The following MAP3K12 variants were observed in gnomAD, a reference collection of about 807,000 sequenced individuals.
MAP3K12 encodes the protein MAPK-upstream kinase.
Under a neutral mutation model 87.5 loss-of-function variants are expected in MAP3K12, and 14 were observed. The observed-to-expected ratio is 0.16, with a 90% CI of 0.11 to 0.25. The LOEUF (loss-of-function observed/expected upper bound fraction) is 0.25, where lower values mean the gene tolerates loss of function less well. Ranked by LOEUF, MAP3K12 falls within the 10% of genes least tolerant of loss-of-function variation. The pLI, the probability that MAP3K12 is intolerant of heterozygous loss-of-function variation, is 1.00. For missense variants in MAP3K12, 802 were observed against 1,140.4 expected (o/e 0.70, Z 4.27); for synonymous variants, 469 against 452.5 (o/e 1.04, Z -0.46).
intron 4 of MAP3K12, chr12:53,485,679 C>A (rs559755693): frequency 1.3e-5 from 8 of 593,472 alleles, no homozygotes; most frequent in Non-Finnish European, 2.3e-5. Flanking sequence ...CCTCAGCCTC[C>A]TGAGTAGCTG....
Position 53,480,335 on chromosome 12 carries a change from T to G in MAP3K12, c.*847A>C, listed in dbSNP as rs2137158424. ...CATTTATTCCTATAATTTTAGAAAGTTGGGGCTTGACATTATACTCATTTA... is the reference window on the plus strand; with the variant it reads ...CATTTATTCCTATAATTTTAGAAAGGTGGGGCTTGACATTATACTCATTTA... On this transcript the variant is annotated 3_prime_UTR_variant, in exon 14 of 14. Transcript: ENST00000547488. 6.6e-6 allele frequency: 1 copy of G among 152,364 alleles called. No individual in the cohort carries two copies. The highest frequency in any genetic ancestry group is 2.4e-5 in the African/African-American group (1 of 41,554). 9.4% of individuals were successfully genotyped at this position (152,364 alleles called of 1,614,324 possible). A position where few individuals can be genotyped will look rare whatever the true frequency, so the allele number is the denominator to read the frequency against.
In MAP3K12 at chr12:53,495,533, C is replaced by T. The variant is rs554257355; in HGVS notation, c.-38+3894G>A. ...CTCTAGCCTGGGCAACAGAGCGAGACTCCATCTCAAAAAAAAAAAAAAAAA... is the reference window on the plus strand; with the variant it reads ...CTCTAGCCTGGGCAACAGAGCGAGATTCCATCTCAAAAAAAAAAAAAAAAA... On this transcript the variant is annotated intron_variant, in intron 1 of 13. Coordinates refer to ENST00000547488, the MANE Select transcript of MAP3K12 (RefSeq NM_001193511.2). Among the ~76,000 whole-genome samples the T allele has an allele frequency of 3.4e-4, 30 of 89,478 alleles. 1 individual carries two copies. In the South Asian group the frequency reaches 0.014, roughly 41 times the overall value. 58.7% of individuals were successfully genotyped at this position (89,478 alleles called of 152,430 possible).
At chr12:53,481,719 A>G (rs1278036300) in intron 13 of MAP3K12, 1 of 540,550 alleles carries the variant, frequency 1.8e-6, no homozygotes, top group Non-Finnish European at 3.2e-6. Context: ...CTCCTTTCAG[A>G]ATCATTCCCT....
At chr12:53,489,298 G>A (rs1201897693) in intron 1 of MAP3K12, among the ~76,000 whole-genome samples, 3 of 151,924 alleles carry the variant, frequency 2.0e-5, no homozygotes, top group South Asian at 2.1e-4. Context: ...CAGCCTGGGC[G>A]AAGTAGCCAA....
chr12:53,482,785 C>T lies in MAP3K12; in HGVS notation c.2018G>A (p.Gly673Asp), dbSNP rs141337642. ...GDPGSPPPAR[G>D]DTPPSEGSAP... ...TGAGCCCTCACTTGGTGGGGTGTCA[C>T]CCCGGGCCGGAGGTGGTGAGCCAGG... Residue 673 changes from glycine to aspartate, a missense_variant, in exon 11 of 14, where the codon GGT (glycine) becomes GAT (aspartate). This residue lies in a region of MAP3K12 where 490 missense variants were observed against 496.6 expected (regional missense o/e 0.99). Transcript: ENST00000547488. The T allele has an allele frequency of 1.0e-3, 1,651 of 1,612,814 alleles. 3 individuals are homozygous for T. The highest frequency in any genetic ancestry group is 1.3e-3 in the Non-Finnish European group (1,538 of 1,179,248).
rs759919123 is a variant in MAP3K12, at chr12:53,486,428, C to G, written c.629+11G>C. ...GTATCCCCAACACCCAGCCCCTGCCCTGGACCTCACTTGAAAGTGATGATG... is the reference window on the plus strand; with the variant it reads ...GTATCCCCAACACCCAGCCCCTGCCGTGGACCTCACTTGAAAGTGATGATG... On this transcript the variant is annotated intron_variant, in intron 3 of 13. Coordinates refer to ENST00000547488, the MANE Select transcript of MAP3K12 (RefSeq NM_001193511.2). This position sits in a 1 kb window ranked among gnomAD's most constrained non-coding sequence, Gnocchi z 4.9. The G allele has an allele frequency of 6.2e-7, 1 of 1,613,794 alleles. No homozygotes were observed. Among genetic ancestry groups the G allele is most frequent in the Non-Finnish European group, 8.5e-7 (1 of 1,179,742 alleles).
chr12:53,484,123 G>T (rs1412602437), intron 7 of MAP3K12, 103 bp from the exon 8 acceptor site: 1 of 1,386,056 alleles, frequency 7.2e-7, no homozygotes, highest in African/African-American at 1.4e-5. Flanking sequence ...GGAGCAAAAA[G>T]GAGTGGATTG....
Position 53,487,009 on chromosome 12 carries a change from A to AG in MAP3K12, c.382dup (p.Leu128ProfsTer15). 6.2e-7 allele frequency: 1 copy of AG among 1,614,122 alleles called. No individual in the cohort carries two copies. On this transcript the variant is annotated frameshift_variant, in exon 2 of 14. Coordinates refer to ENST00000547488, the MANE Select transcript of MAP3K12 (RefSeq NM_001193511.2). LOFTEE classifies it high-confidence loss of function. ...GCCAATCATGGTCCAGACAGGGCGC[A>AG]GGCAGCCAAAGAGGCCCTCAAGGAA...
chr12:53,484,901 G>T, intron 6 of MAP3K12, 155 bp downstream of exon 6: 1 of 889,142 alleles, frequency 1.1e-6, no homozygotes, highest in Non-Finnish European at 1.7e-6. Flanking sequence ...ATTACCCCTG[G>T]TGACTCAGCT....
intron 1 of MAP3K12, among the ~76,000 whole-genome samples, chr12:53,490,077 C>T (rs969512585): frequency 4.0e-5 from 6 of 151,862 alleles, no homozygotes; most frequent in South Asian, 2.1e-4. Context: ...CTGAGGCAGG[C>T]GGACCACCTG....
intron 8 of MAP3K12, 82 bp from the exon 9 acceptor site, chr12:53,483,805 A>T: frequency 1.2e-6 from 2 of 1,612,256 alleles, no homozygotes; most frequent in South Asian, 2.2e-5. Flanking sequence ...ATTCCTGTCC[A>T]CAGTCCTTTC....
Position 53,486,828 on chromosome 12 carries a change from A to C in MAP3K12, c.445+119T>G, listed in dbSNP as rs762350905. The C allele has an allele frequency of 6.5e-7, 1 of 1,527,708 alleles. No individual in the cohort carries two copies. The highest frequency in any genetic ancestry group is 1.4e-5 in the African/African-American group (1 of 72,514). The allele number at this position is 1,527,708 out of a possible 1,614,324, so 94.6% of individuals were successfully genotyped here. On this transcript the variant is annotated intron_variant, in intron 2 of 13. Coordinates refer to ENST00000547488, the MANE Select transcript of MAP3K12 (RefSeq NM_001193511.2). The surrounding 1 kb of genome is among the most constrained non-coding windows in gnomAD (Gnocchi z 4.9). Reference sequence around the variant, plus strand: ...GGAAGTTAGAGGCTGATGGATGGCTAAGGGACTAGGGCTGGGCCATGGGGA... The same window carrying C: ...GGAAGTTAGAGGCTGATGGATGGCTCAGGGACTAGGGCTGGGCCATGGGGA...
chr12:53,492,089 A>AAAGAAG (rs1054001621), intron 1 of MAP3K12, among the ~76,000 whole-genome samples: 1 of 148,272 alleles, frequency 6.7e-6, no homozygotes, highest in Non-Finnish European at 1.5e-5. Flanking sequence ...AAAAAAAAAA[A>AAAGAAG]AAGAAGAAGA....
Position 53,482,849 on chromosome 12 carries a change from C to G in MAP3K12, c.1954G>C (p.Gly652Arg). 3 of 1,612,638 alleles carry G rather than the reference C, an allele frequency of 1.9e-6. No homozygotes were observed. The highest frequency in any genetic ancestry group is 1.7e-6 in the Non-Finnish European group (2 of 1,179,320). ...CCTGTGGCCCCCCGGCCCCGGGACC[C>G]TAGTGCTGCTGACAGCAGGTCTGGG... The part of the protein sequence containing the change: ...SSPDLLSAAL[G>R]SRGRGATGGA... The change falls in exon 11 of 14, where the codon GGG (glycine) becomes CGG (arginine). Residue 652 changes from glycine (G) to arginine (R), a missense_variant. By Grantham distance (125) the Gly-to-Arg change is moderately radical. Transcript: ENST00000547488.
intron 1 of MAP3K12, among the ~76,000 whole-genome samples, chr12:53,491,507 C>G (rs911223683): frequency 6.7e-6 from 1 of 149,858 alleles, no homozygotes; most frequent in Admixed American, 6.6e-5. Context: ...GATCTCCGCT[C>G]ACTGCAAGCT....
At chr12:53,495,541 C>CAAAA (rs57850924) in intron 1 of MAP3K12, among the ~76,000 whole-genome samples, 4 of 48,040 alleles carry the variant, frequency 8.3e-5, no homozygotes, top group African/African-American at 2.5e-4. Context: ...GACTCCATCT[C>CAAAA]AAAAAAAAAA....
chr12:53,485,697 G>A (rs1250022080), intron 4 of MAP3K12: 10 of 564,828 alleles, frequency 1.8e-5, no homozygotes, highest in East Asian at 6.2e-5. Context: ...CTGAGACTAC[G>A]GGCACTCGCC....
chr12:53,496,477 C>A (rs747623889), intron 1 of MAP3K12, among the ~76,000 whole-genome samples: 1 of 152,166 alleles, frequency 6.6e-6, no homozygotes, highest in East Asian at 1.9e-4. Flanking sequence ...CCATGGAGGC[C>A]TCGGGGAAGG....
At chr12:53,491,577 G>A (rs1341131355) in intron 1 of MAP3K12, among the ~76,000 whole-genome samples, 3 of 150,430 alleles carry the variant, frequency 2.0e-5, no homozygotes, top group Non-Finnish European at 4.5e-5. Flanking sequence ...GGGACTACAG[G>A]CGCCCGCCAC....
Sources: allele counts gnomAD v4.1 joint callset (sites outside exome capture counted in the v4.1 genomes callset), GRCh38; gene constraint gnomAD v4.1.1; regional missense constraint gnomAD v4.1.1; non-coding constraint Gnocchi (gnomAD v3.1); transcripts MANE v1.5; gene names NCBI Gene and HGNC (gene_info 2026-07-23, HGNC 2026-07-21).